Variants in LAMB4 observed in about 807,000 individuals in gnomAD.
LAMB4 encodes laminin subunit beta 4.
A neutral mutation model predicts 199.2 loss-of-function variants in LAMB4; 196 were observed. The ratio of observed to expected loss-of-function variants is 0.98; its 90% CI spans 0.88 to 1.11. The LOEUF is 1.11. Among genes scored for constraint, LAMB4 ranks in the 50% least tolerant of loss-of-function variants. The pLI, the probability that LAMB4 is intolerant of heterozygous loss-of-function variation, is 0.00. For missense variants in LAMB4, 2,080 were observed against 2,171.2 expected (o/e 0.96, Z 0.83); for synonymous variants, 744 against 770.6 (o/e 0.97, Z 0.57).
At position 108,052,609 on chromosome 7, in the gene LAMB4, GC is replaced by G. The variant is rs572137766; in HGVS notation, c.3756-353del. On this transcript the variant is annotated intron_variant, in intron 25 of 33. Coordinates refer to ENST00000388781, the MANE Select transcript of LAMB4 (RefSeq NM_007356.3). ...GCTTCAATTAAATCAATCTAAGGGA[GC>G]TTTTGGCTTTCAACATATGGTAAAA... is the stretch of plus-strand genomic sequence containing the variant. 1.1e-3 allele frequency among the ~76,000 whole-genome samples: 162 copies of G among 152,332 alleles called. 1 individual carries two copies. The highest frequency in any genetic ancestry group is 3.8e-3 in the African/African-American group (157 of 41,574).
At chr7:108,013,729 G>A in the LAMB4 span, among the ~76,000 whole-genome samples, 1 of 152,054 alleles carries the variant, frequency 6.6e-6, no homozygotes, top group East Asian at 1.9e-4. Context: ...ATTTTGATTG[G>A]GAAAACTTGC....
At chr7:108,098,269 G>A (rs1001037370) in intron 11 of LAMB4, 134 bp downstream of exon 11, 12 of 396,682 alleles carry the variant, frequency 3.0e-5, no homozygotes, top group Admixed American at 6.4e-5. Context: ...GGAGGTGGAG[G>A]TTGGAGTGAG....
At chr7:108,128,760 A>T (rs977639337) in intron 1 of LAMB4, among the ~76,000 whole-genome samples, 1 of 152,182 alleles carries the variant, frequency 6.6e-6, no homozygotes, top group African/African-American at 2.4e-5. Flanking sequence ...TTTAATTGGT[A>T]CTGCTTTTCG....
chr7:108,063,649 G>A, intron 22 of LAMB4, 112 bp downstream of exon 22: 1 of 932,808 alleles, frequency 1.1e-6, no homozygotes, highest in Non-Finnish European at 1.8e-6. Context: ...AGTGGGTGCT[G>A]CTTTTGCCTG....
At position 108,069,707 on chromosome 7, in the gene LAMB4, C is replaced by T. The variant is rs1469114409; in HGVS notation, c.2302+1G>A. ...GTAGAGCCCATTAAACAGATACTTA[C>T]CCACAGCCCCATCATGCAGCTTGGC... On this transcript the variant is annotated splice_donor_variant, in intron 18 of 33. Coordinates refer to ENST00000388781, the MANE Select transcript of LAMB4 (RefSeq NM_007356.3). LOFTEE classifies it high-confidence loss of function. The T allele has an allele frequency of 6.2e-7, 1 of 1,612,914 alleles. No individual in the cohort carries two copies. The highest frequency in any genetic ancestry group is 1.7e-5 in the Admixed American group (1 of 59,964).
chr7:108,055,962 G>A lies in LAMB4; in HGVS notation c.3425C>T (p.Pro1142Leu). The A allele has an allele frequency of 6.2e-7, 1 of 1,614,056 alleles. No individual in the cohort carries two copies. The highest frequency in any genetic ancestry group is 8.5e-7 in the Non-Finnish European group (1 of 1,179,942). The change falls in exon 25 of 34, where the codon CCA (proline) becomes CTA (leucine). Residue 1142 changes from proline to leucine, a missense_variant. Transcript: ENST00000388781. Reference protein sequence around the residue: ...RAGTQKPICDPDTGMCRCREG... With the variant: ...RAGTQKPICDLDTGMCRCREG... Reference sequence around the variant, plus strand: ...CCGGCAGCGGCACATGCCTGTGTCTGGATCACAGATGGGCTTCTGGGTACC... The same window carrying A: ...CCGGCAGCGGCACATGCCTGTGTCTAGATCACAGATGGGCTTCTGGGTACC...
At chr7:108,087,984 A>G (rs57822210) in intron 14 of LAMB4, among the ~76,000 whole-genome samples, 5,670 of 152,270 alleles carry the variant, frequency 0.037, 349 homozygotes, top group African/African-American at 0.13. Context: ...ATTCATTACC[A>G]TATCATTCAT....
chr7:108,086,860 T>C (rs934581089), intron 14 of LAMB4, among the ~76,000 whole-genome samples: 2 of 152,136 alleles, frequency 1.3e-5, no homozygotes, highest in Non-Finnish European at 2.9e-5. Flanking sequence ...ATGTGGTATC[T>C]CCCAAGGGTC....
At chr7:108,048,225 C>T (rs562915463) in intron 27 of LAMB4, 114 bp from the exon 28 acceptor site, 7 of 833,194 alleles carry the variant, frequency 8.4e-6, no homozygotes, top group East Asian at 2.6e-5. Context: ...AGAGCAATAG[C>T]GTGACCTTGG....
At chr7:108,029,476 G>T (rs1482009822) in intron 32 of LAMB4, among the ~76,000 whole-genome samples, 1 of 152,346 alleles carries the variant, frequency 6.6e-6, no homozygotes, top group East Asian at 1.9e-4. Context: ...CCAATTGGTT[G>T]TTCTGCTCTA....
At chr7:108,032,559 G>C (rs916924111) in intron 31 of LAMB4, among the ~76,000 whole-genome samples, 4 of 152,078 alleles carry the variant, frequency 2.6e-5, no homozygotes, top group Non-Finnish European at 4.4e-5. Context: ...ATGATACCAG[G>C]GTTTTGAGGG....
At chr7:108,019,686 A>T (rs1385383390), downstream of LAMB4, among the ~76,000 whole-genome samples, 1 of 152,134 alleles carries the variant, frequency 6.6e-6, no homozygotes, top group Non-Finnish European at 1.5e-5. Flanking sequence ...CTCGCTAGGC[A>T]GCTGTGTGCC....
intron 14 of LAMB4, among the ~76,000 whole-genome samples, chr7:108,086,546 A>C (rs557591596): frequency 6.6e-6 from 1 of 152,264 alleles, no homozygotes; most frequent in Non-Finnish European, 1.5e-5. Context: ...CCCATGGCCT[A>C]CTTATTAACT....
chr7:108,076,289 G>A (rs1168623324), intron 17 of LAMB4, among the ~76,000 whole-genome samples: 1 of 152,126 alleles, frequency 6.6e-6, no homozygotes, highest in African/African-American at 2.4e-5. Context: ...CTGAAGGGCT[G>A]CACAGAGTAA....
Position 108,104,536 on chromosome 7 carries a change from C to T in LAMB4, c.954G>A (p.Trp318Ter), listed in dbSNP as rs2037931435. 2 of 1,614,102 alleles carry T rather than the reference C, an allele frequency of 1.2e-6. No individual in the cohort carries two copies. Among genetic ancestry groups the T allele is most frequent in the Non-Finnish European group, 1.7e-6 (2 of 1,180,026 alleles). The change falls in exon 9 of 34, where the codon TGG becomes TGA. Residue 318 changes from tryptophan (W) to a stop codon, truncating the protein, a stop_gained. Transcript: ENST00000388781. LOFTEE classifies it high-confidence loss of function. ...RCKDFFQDAPWRPAADLQDNA... is the reference protein window; with the variant it reads ...RCKDFFQDAP ...TGTCCTGGAGGTCTGCAGCTGGCCT[C>T]CAAGGAGCATCCTGGAAGAAGTCCT...
Position 108,048,064 on chromosome 7 carries a change from G to A in LAMB4, c.4170C>T (p.Gly1390=), listed in dbSNP as rs780591770. ...GNVPCVPLPC[G]GALCTGRKGH... is the part of the protein sequence containing the mutation. ...CCTTCCGGCCCGTGCAGAGAGCACC[G>A]CCACAGGGCAAGGGCACACATGGCA... The change falls in exon 28 of 34, where the codon GGC becomes GGT. Residue 1390 remains glycine (G), a synonymous_variant. Transcript: ENST00000388781. 1.9e-6 allele frequency: 3 copies of A among 1,613,252 alleles called. No individual in the cohort carries two copies. The highest frequency in any genetic ancestry group is 1.1e-5 in the South Asian group (1 of 91,058).
rs906241732 is a variant in LAMB4, at chr7:108,067,948, G to T, written c.2446+68C>A. 10 of 1,595,694 alleles carry T rather than the reference G, an allele frequency of 6.3e-6. No homozygotes were observed. In the Admixed American group the frequency reaches 1.5e-4, roughly 24 times the overall value. On this transcript the variant is annotated intron_variant, in intron 19 of 33. Transcript: ENST00000388781. ...CCTTCCCATTAAAACCCCCCTCCAT[G>T]ACTTTGCCTGCTGTCAAAATGTCAA... is the stretch of plus-strand genomic sequence containing the variant.
intron 11 of LAMB4, among the ~76,000 whole-genome samples, chr7:108,098,091 T>C (rs1187664305): frequency 1.3e-5 from 2 of 152,028 alleles, no homozygotes; most frequent in Admixed American, 6.6e-5. Context: ...TTAAAACGCA[T>C]AGGGGCCGAG....
At chr7:108,107,913 A>G in intron 5 of LAMB4, 94 bp from the exon 6 acceptor site, 1 of 918,984 alleles carries the variant, frequency 1.1e-6, no homozygotes. Flanking sequence ...TTCCATTTTT[A>G]AAAACTTTAG....
Sources: gnomAD v4.1 joint callset for allele counts (sites outside exome capture counted in the v4.1 genomes callset) on GRCh38, gnomAD v4.1.1 for gene constraint, MANE v1.5 for transcripts, NCBI Gene and HGNC (gene_info 2026-07-23, HGNC 2026-07-21) for gene names.